The following ELMO3 variants were observed in gnomAD, a reference collection of about 807,000 sequenced individuals.
The protein encoded by ELMO3 is engulfment and cell motility protein 3.
Under a neutral mutation model 89.0 loss-of-function variants are expected in ELMO3, and 81 were observed. The ratio of observed to expected loss-of-function variants is 0.91; its 90% CI spans 0.76 to 1.09. ELMO3 has a LOEUF of 1.09. Among genes scored for constraint, ELMO3 ranks in the 50% least tolerant of loss-of-function variants. ELMO3 has a pLI of 0.00. For synonymous variants in ELMO3, 406 were observed against 400.6 expected, an observed-to-expected ratio of 1.01 and a Z score of -0.16; for missense variants, 959 against 972.8, an observed-to-expected ratio of 0.99 and a Z score of 0.19.
rs1458328671 is a variant in ELMO3, at chr16:67,203,957, T to G, written c.*80T>G. The G allele has an allele frequency of 4.1e-6, 5 of 1,218,500 alleles. No homozygotes were observed. The highest frequency in any genetic ancestry group is 2.7e-5 in the Admixed American group (1 of 37,184). 75.5% of individuals were successfully genotyped at this position (1,218,500 alleles called of 1,614,324 possible). On this transcript the variant is annotated 3_prime_UTR_variant, in exon 20 of 20. Coordinates refer to ENST00000393997, the MANE Select transcript of ELMO3 (RefSeq NM_024712.5). The surrounding 1 kb of genome is among the most constrained non-coding windows in gnomAD (Gnocchi z 4.6). ...AGTGGGTAGAGGAGTGCAGGCACCC[T>G]GACCAGCAGAGATTGCTGCAGAAAT...
At position 67,201,632 on chromosome 16, in the gene ELMO3, C is replaced by G. The variant is rs542665221; in HGVS notation, c.908C>G (p.Pro303Arg). ...CCGCGCATGCGGACGCCCCTGGACCCCTACAGCCAGGTGTGTGTCTTTGGT... is the reference window on the plus strand; with the variant it reads ...CCGCGCATGCGGACGCCCCTGGACCGCTACAGCCAGGTGTGTGTCTTTGGT... ...LEPRMRTPLD[P>R]YSQEQREQLQ... is the part of the protein sequence containing the mutation. Residue 303 changes from proline (P) to arginine (R), a missense_variant, in exon 10 of 20, where the codon CCC becomes CGC. Pro to Arg is a moderately radical substitution (Grantham distance 103). Coordinates refer to ENST00000393997, the MANE Select transcript of ELMO3 (RefSeq NM_024712.5). The G allele has an allele frequency of 6.2e-7, 1 of 1,612,666 alleles. No homozygotes were observed. Among genetic ancestry groups the G allele is most frequent in the Admixed American group, 1.7e-5 (1 of 60,012 alleles).
chr16:67,199,527 C>G, intron 1 of ELMO3, 26 bp from the exon 2 acceptor site: 3 of 1,597,858 alleles, frequency 1.9e-6, no homozygotes, highest in Non-Finnish European at 2.5e-6. Context: ...CTGCCCAGGC[C>G]GCGAGAATGA....
chr16:67,202,250 G>T lies in ELMO3; in HGVS notation c.1227G>T (p.Val409=). The T allele has an allele frequency of 6.2e-7, 1 of 1,606,122 alleles. No individual in the cohort carries two copies. The highest frequency in any genetic ancestry group is 1.7e-4 in the Middle Eastern group (1 of 6,028). ...PFARGSIQLT[V]LLCELLRVGE... is the part of the protein sequence containing the mutation. ...CCCGGGGCAGCATCCAGCTGACGGTGCTGCTGTGTGAGCTGCTCCGTGTTG... is the reference window on the plus strand; with the variant it reads ...CCCGGGGCAGCATCCAGCTGACGGTTCTGCTGTGTGAGCTGCTCCGTGTTG... The change falls in exon 13 of 20, where the codon GTG becomes GTT. Residue 409 remains valine, a synonymous_variant. Transcript: ENST00000393997.
At position 67,201,979 on chromosome 16, in the gene ELMO3, C is replaced by A. The variant is rs772399114; in HGVS notation, c.1053C>A (p.Asn351Lys). The A allele has an allele frequency of 6.2e-7, 1 of 1,612,950 alleles. No individual in the cohort carries two copies. The highest frequency in any genetic ancestry group is 8.5e-7 in the Non-Finnish European group (1 of 1,179,904). The change falls in exon 12 of 20, where the codon AAC becomes AAA. Residue 351 changes from asparagine (N) to lysine (K), a missense_variant and splice_region_variant. Transcript: ENST00000393997. Reference sequence around the variant, plus strand: ...CTGCCTGTGCCCACTTCCCCCAGAACAGCAACCCAGCACAGGACCTGGAGC... The same window carrying A: ...CTGCCTGTGCCCACTTCCCCCAGAAAAGCAACCCAGCACAGGACCTGGAGC... The part of the protein sequence containing the change: ...AREFRKLGFS[N>K]SNPAQDLERV...
chr16:67,202,272 G>T lies in ELMO3; in HGVS notation c.1249G>T (p.Val417Phe). 1 of 1,609,132 alleles carries T rather than the reference G, an allele frequency of 6.2e-7. No individual in the cohort carries two copies. The highest frequency in any genetic ancestry group is 2.2e-5 in the East Asian group (1 of 44,764). Residue 417 changes from valine (V) to phenylalanine (F), a missense_variant, in exon 13 of 20, where the codon GTT becomes TTT. By Grantham distance (50) the Val-to-Phe change is conservative (BLOSUM62 -1). Transcript: ENST00000393997. ...GGTGCTGCTGTGTGAGCTGCTCCGT[G>T]TTGGGGAGCCCTGTGAGTGGCCTGG... ...LTVLLCELLRVGEPCSETAQD... is the reference protein window; with the variant it reads ...LTVLLCELLRFGEPCSETAQD...
intron 1 of ELMO3, 66 bp downstream of exon 1, chr16:67,199,470 G>A (rs557246317): frequency 2.6e-6 from 4 of 1,567,772 alleles, no homozygotes; most frequent in South Asian, 2.3e-5. Context: ...CCTGGCCCTC[G>A]GGGCAGCCCG....
chr16:67,199,238 C>T lies in ELMO3; in HGVS notation c.-89C>T, dbSNP rs1409456361. 3 of 1,611,404 alleles carry T rather than the reference C, an allele frequency of 1.9e-6. No individual in the cohort carries two copies. Among genetic ancestry groups the T allele is most frequent in the African/African-American group, 2.7e-5 (2 of 75,020 alleles). Reference sequence around the variant, plus strand: ...TCAGGTCTCGGAAAGGGAGGACCTCCTCGTCCCCAGGGGCCCCAGGCCAGG... The same window carrying T: ...TCAGGTCTCGGAAAGGGAGGACCTCTTCGTCCCCAGGGGCCCCAGGCCAGG... On this transcript the variant is annotated 5_prime_UTR_variant, in exon 1 of 20. Transcript: ENST00000393997.
In ELMO3 at chr16:67,200,306, G is replaced by T; in HGVS notation, c.358G>T (p.Val120Phe). 3.7e-6 allele frequency: 6 copies of T among 1,613,890 alleles called. No individual in the cohort carries two copies. The highest frequency in any genetic ancestry group is 5.1e-6 in the Non-Finnish European group (6 of 1,180,036). Residue 120 changes from valine to phenylalanine, a missense_variant, in exon 5 of 20, where the codon GTC (valine) becomes TTC (phenylalanine). Transcript: ENST00000393997. ...LASDMIFARE[V>F]ISRNGLQILG... The stretch of plus-strand genomic sequence containing the variant: ...CTCGGACATGATCTTTGCCAGGGAG[G>T]TCATCAGCCGTAATGGGCTCCAGAT...
chr16:67,200,509 G>T lies in ELMO3; in HGVS notation c.472G>T (p.Val158Leu). ...CTTCTCAGAGCTCATGGAGCACGGC[G>T]TGGTGTCCTGGGAGACTCTGAGCAT... is the stretch of plus-strand genomic sequence containing the variant. The part of the protein sequence containing the change: ...RAFSELMEHG[V>L]VSWETLSIPF... The change falls in exon 6 of 20, where the codon GTG becomes TTG. Residue 158 changes from valine (V) to leucine (L), a missense_variant. By Grantham distance (32) the Val-to-Leu change is conservative (BLOSUM62 1). Coordinates refer to ENST00000393997, the MANE Select transcript of ELMO3 (RefSeq NM_024712.5). 3 of 1,613,804 alleles carry T rather than the reference G, an allele frequency of 1.9e-6. No individual in the cohort carries two copies. The highest frequency in any genetic ancestry group is 2.5e-6 in the Non-Finnish European group (3 of 1,179,980).
intron 4 of ELMO3, 78 bp from the exon 5 acceptor site, chr16:67,200,114 C>A: frequency 6.3e-7 from 1 of 1,577,510 alleles, no homozygotes; most frequent in Non-Finnish European, 8.6e-7. Context: ...CTAGTTGACG[C>A]CCGGGGCCGC....
intron 4 of ELMO3, 55 bp downstream of exon 4, chr16:67,200,056 G>C: frequency 1.3e-6 from 2 of 1,592,788 alleles, no homozygotes; most frequent in Non-Finnish European, 1.7e-6. Context: ...TCCAGGTCCA[G>C]AGGCCCCCCG....
chr16:67,199,884 G>A (rs553723058), intron 3 of ELMO3, 67 bp from the exon 4 acceptor site: 4 of 1,610,938 alleles, frequency 2.5e-6, no homozygotes, highest in Admixed American at 1.7e-5. Flanking sequence ...CGCCCTCACC[G>A]ACACCCCAGT....
chr16:67,203,951 G>A lies in ELMO3; in HGVS notation c.*74G>A, dbSNP rs2033190238. The A allele has an allele frequency of 7.8e-7, 1 of 1,277,974 alleles. No homozygotes were observed. Among genetic ancestry groups the A allele is most frequent in the Non-Finnish European group, 1.1e-6 (1 of 942,252 alleles). The allele number at this position is 1,277,974 out of a possible 1,614,324, so 79.2% of individuals were successfully genotyped here. On this transcript the variant is annotated 3_prime_UTR_variant, in exon 20 of 20. Coordinates refer to ENST00000393997, the MANE Select transcript of ELMO3 (RefSeq NM_024712.5). The surrounding 1 kb of genome is among the most constrained non-coding windows in gnomAD (Gnocchi z 4.6). ...AAGGGCAGTGGGTAGAGGAGTGCAG[G>A]CACCCTGACCAGCAGAGATTGCTGC...
chr16:67,201,277 T>TC (rs990015210), intron 8 of ELMO3, 108 bp from the exon 9 acceptor site: 51 of 1,136,104 alleles, frequency 4.5e-5, no homozygotes, highest in Middle Eastern at 2.4e-4. Context: ...CAGGTTGGCC[T>TC]CCATCTCCTG....
intron 1 of ELMO3, 53 bp downstream of exon 1, chr16:67,199,457 C>G: frequency 1.9e-6 from 3 of 1,588,012 alleles, no homozygotes; most frequent in Non-Finnish European, 2.6e-6. Context: ...CTCCCGGTAG[C>G]CCCCTGGCCC....
chr16:67,201,851 A>T lies in ELMO3; in HGVS notation c.1028A>T (p.Glu343Val). 6.2e-7 allele frequency: 1 copy of T among 1,609,550 alleles called. No homozygotes were observed. The highest frequency in any genetic ancestry group is 8.5e-7 in the Non-Finnish European group (1 of 1,178,730). Residue 343 changes from glutamate (E) to valine (V), a missense_variant, in exon 11 of 20, where the codon GAG (glutamate) becomes GTG (valine). Glu to Val is a moderately radical substitution (Grantham distance 121). Transcript: ENST00000393997. Reference protein sequence around the residue: ...ADRRRSLCAREFRKLGFSNSN... With the variant: ...ADRRRSLCARVFRKLGFSNSN... ...CGTCGCCGTTCCCTCTGTGCCCGAG[A>T]GTTCCGCAAACTGGGCTTTTCTGTG... is the stretch of plus-strand genomic sequence containing the variant.
rs770652742 is a variant in ELMO3 at position 67,199,569 on chromosome 16, CTG to C, written c.98_99del (p.Val33AlafsTer14). On this transcript the variant is annotated frameshift_variant, in exon 2 of 20. Coordinates refer to ENST00000393997, the MANE Select transcript of ELMO3 (RefSeq NM_024712.5). LOFTEE classifies it high-confidence loss of function. ...CACTTGCAGGCGAAGCCCCTGGCCG[CTG>C]TGCTGAAGGAGGTGTGCGACGCGTG... The C allele has an allele frequency of 6.2e-7, 1 of 1,609,010 alleles. No individual in the cohort carries two copies. Among genetic ancestry groups the C allele is most frequent in the Non-Finnish European group, 8.5e-7 (1 of 1,179,400 alleles).
chr16:67,201,640 C>T lies in ELMO3; in HGVS notation c.916C>T (p.Gln306Ter). The stretch of plus-strand genomic sequence containing the variant: ...GCGGACGCCCCTGGACCCCTACAGC[C>T]AGGTGTGTGTCTTTGGTGAGGACAA... Reference protein sequence around the residue: ...RMRTPLDPYSQEQREQLQVLR... With the variant: ...RMRTPLDPYS The change falls in exon 10 of 20, where the codon CAG becomes TAG. Residue 306 changes from glutamine to a stop codon, truncating the protein, a stop_gained and splice_region_variant. Coordinates refer to ENST00000393997, the MANE Select transcript of ELMO3 (RefSeq NM_024712.5). LOFTEE classifies it high-confidence loss of function. 1 of 1,612,288 alleles carries T rather than the reference C, an allele frequency of 6.2e-7. No individual in the cohort carries two copies. The highest frequency in any genetic ancestry group is 8.5e-7 in the Non-Finnish European group (1 of 1,179,942).
chr16:67,199,160 C>A lies in ELMO3; in HGVS notation c.-167C>A. 1 of 1,607,478 alleles carries A rather than the reference C, an allele frequency of 6.2e-7. No individual in the cohort carries two copies. ...CTAACCTCGGCTCCCTTGGGAAGGC[C>A]GCGTTGCATGGCCAGGAGCAGCAGT... On this transcript the variant is annotated 5_prime_UTR_variant, in exon 1 of 20. Transcript: ENST00000393997.
Sources: allele counts gnomAD v4.1 joint callset, GRCh38; gene constraint gnomAD v4.1.1; non-coding constraint Gnocchi (gnomAD v3.1); transcripts MANE v1.5; gene names NCBI Gene and HGNC (gene_info 2026-07-23, HGNC 2026-07-21).